The following ITPR1 variants were observed in gnomAD, a reference collection of about 807,000 sequenced individuals.
ITPR1 encodes the protein inositol 1,4,5-trisphosphate receptor type 1.
A neutral mutation model predicts 318.4 loss-of-function variants in ITPR1; 96 were observed. The observed-to-expected ratio is 0.30, with a 90% CI of 0.26 to 0.36. The LOEUF is 0.36. ITPR1 is among the 10% of genes least tolerant of loss of function. The pLI, the probability that ITPR1 is intolerant of heterozygous loss-of-function variation, is 1.00. For synonymous variants in ITPR1, 1,312 were observed against 1,289.9 expected, an observed-to-expected ratio of 1.02 and a Z score of -0.37; for missense variants, 2,440 against 3,460.2, an observed-to-expected ratio of 0.71 and a Z score of 7.40.
At chr3:4,655,507 T>C (rs1482357444) in intron 12 of ITPR1, among the ~76,000 whole-genome samples, 1 of 152,178 alleles carries the variant, frequency 6.6e-6, no homozygotes, top group Non-Finnish European at 1.5e-5. Context: ...TCTATACAAG[T>C]GGCATTTTTC....
Position 4,814,459 on chromosome 3 carries a change from A to G in ITPR1, c.7598A>G (p.Glu2533Gly), listed in dbSNP as rs2049152222. The change falls in exon 58 of 62, where the codon GAG (glutamate) becomes GGG (glycine). Residue 2533 changes from glutamate to glycine, a missense_variant. By Grantham distance (98) the Glu-to-Gly change is moderately conservative. Around this residue, in one of 23 missense-constraint regions of ITPR1, gnomAD observed 88 missense variants for 90.5 expected, o/e 0.97. Transcript: ENST00000649015. ...GCAGAAGAGACGGAACAGGATAAAG[A>G]GCACACATGTGAGACGCTGCTGATG... ...VPAEETEQDK[E>G]HTCETLLMCI... 6.2e-7 allele frequency: 1 copy of G among 1,613,844 alleles called. No homozygotes were observed. Among genetic ancestry groups the G allele is most frequent in the African/African-American group, 1.3e-5 (1 of 74,922 alleles).
At chr3:4,756,293 TG>T (rs959821606) in intron 44 of ITPR1, among the ~76,000 whole-genome samples, 4 of 152,056 alleles carry the variant, frequency 2.6e-5, no homozygotes, top group African/African-American at 9.7e-5. Context: ...GAAATTTGAA[TG>T]GCTTTTATAG....
At chr3:4,525,644 T>C (rs926884639) in intron 4 of ITPR1, among the ~76,000 whole-genome samples, 1 of 152,210 alleles carries the variant, frequency 6.6e-6, no homozygotes, top group African/African-American at 2.4e-5. Context: ...TTAGTTCTTT[T>C]ATTAATATGG....
intron 41 of ITPR1, among the ~76,000 whole-genome samples, chr3:4,725,891 T>C (rs1419711798): frequency 6.6e-6 from 1 of 152,210 alleles, no homozygotes; most frequent in Non-Finnish European, 1.5e-5. Flanking sequence ...TGTTAAGACC[T>C]TTCTGCTGTT....
intron 36 of ITPR1, 110 bp downstream of exon 36, chr3:4,703,060 A>G: frequency 8.1e-7 from 1 of 1,240,992 alleles, no homozygotes; most frequent in South Asian, 1.7e-5. Flanking sequence ...TTACACAGAC[A>G]GGAAGTTTCA....
rs771903022 is a variant in ITPR1, at chr3:4,818,285, T to C, written c.8028+43T>C. 3 of 1,503,334 alleles carry C rather than the reference T, an allele frequency of 2.0e-6. No homozygotes were observed. In the African/African-American group the frequency reaches 4.1e-5, roughly 21 times the overall value. 93.1% of individuals were successfully genotyped at this position (1,503,334 alleles called of 1,614,324 possible). A position where few individuals can be genotyped will look rare whatever the true frequency, so the allele number is the denominator to read the frequency against. The stretch of plus-strand genomic sequence containing the variant: ...CTGGGAGCAAGGTGGACTTGGGGCC[T>C]ACTCAGCTCTGAGCAAGGCCCCAGC... On this transcript the variant is annotated intron_variant, in intron 60 of 61. Transcript: ENST00000649015.
chr3:4,682,766 A>G (rs2094324438), intron 26 of ITPR1, among the ~76,000 whole-genome samples: 1 of 152,224 alleles, frequency 6.6e-6, no homozygotes, highest in Non-Finnish European at 1.5e-5. Flanking sequence ...CTTATTAGCC[A>G]GCAACCAGGA....
rs2125260126 is a variant in ITPR1 at position 4,699,732 on chromosome 3, AC to A, written c.4408-78del. The stretch of plus-strand genomic sequence containing the variant: ...CTTTACCTTTCATTTGTTAAAAGTA[AC>A]CCACAGGAGGGAGTCGCAGATTTCT... On this transcript the variant is annotated intron_variant, in intron 34 of 61. Coordinates refer to ENST00000649015, the MANE Select transcript of ITPR1 (RefSeq NM_001378452.1). 4.3e-6 allele frequency: 6 copies of A among 1,403,364 alleles called. No homozygotes were observed. The South Asian group carries it at 7.9e-5, about 19-fold the overall frequency. 86.9% of individuals were successfully genotyped at this position (1,403,364 alleles called of 1,614,324 possible).
At chr3:4,653,176 G>A (rs906258580) in intron 11 of ITPR1, among the ~76,000 whole-genome samples, 1 of 152,156 alleles carries the variant, frequency 6.6e-6, no homozygotes, top group Admixed American at 6.5e-5. Flanking sequence ...TGCATCAAAA[G>A]ACCCCCACTG....
chr3:4,699,322 AC>A (rs1292469855), intron 34 of ITPR1, among the ~76,000 whole-genome samples: 1 of 151,750 alleles, frequency 6.6e-6, no homozygotes, highest in East Asian at 1.9e-4. Flanking sequence ...ATGCCACAGC[AC>A]TCCATCCTGG....
intron 4 of ITPR1, among the ~76,000 whole-genome samples, chr3:4,575,022 A>G (rs1010795617): frequency 6.6e-5 from 10 of 152,368 alleles, no homozygotes; most frequent in African/African-American, 2.2e-4. Context: ...GTGCTTACAC[A>G]TGGGTGTACG....
At chr3:4,770,242 C>G (rs13066557) in intron 46 of ITPR1, among the ~76,000 whole-genome samples, 25,740 of 152,236 alleles carry the variant, frequency 0.17, 2,299 homozygotes, top group Middle Eastern at 0.21. Context: ...TGTGGCTAGA[C>G]AGTTGGTACT....
chr3:4,721,142 ATGTC>A (rs1229172834), intron 40 of ITPR1, among the ~76,000 whole-genome samples: 14 of 138,162 alleles, frequency 1.0e-4, no homozygotes, highest in Admixed American at 1.5e-4. Flanking sequence ...ATATTTATAT[ATGTC>A]TGTGTGTAGA....
chr3:4,637,416 G>A (rs1345533861), intron 5 of ITPR1, among the ~76,000 whole-genome samples: 1 of 152,216 alleles, frequency 6.6e-6, no homozygotes, highest in Non-Finnish European at 1.5e-5. Context: ...AAATTAGGGA[G>A]AACAAGAGGT....
chr3:4,669,752 C>T lies in ITPR1; in HGVS notation c.1985C>T (p.Ala662Val), dbSNP rs1453287160. The T allele has an allele frequency of 6.2e-7, 1 of 1,612,344 alleles. No individual in the cohort carries two copies. Among genetic ancestry groups the T allele is most frequent in the African/African-American group, 1.3e-5 (1 of 74,886 alleles). Residue 662 changes from alanine (A) to valine (V), a missense_variant, in exon 19 of 62, where the codon GCT becomes GTT. Coordinates refer to ENST00000649015, the MANE Select transcript of ITPR1 (RefSeq NM_001378452.1). ...ICKAVLNPTN[A>V]DILIETKLVL... ...AAAGCTGTGCTGAACCCCACCAACG[C>T]TGACATCCTGATTGAGACCAAGTGA...
chr3:4,639,194 C>G (rs978564051), intron 5 of ITPR1, among the ~76,000 whole-genome samples, 190 bp from the exon 6 acceptor site: 1 of 152,088 alleles, frequency 6.6e-6, no homozygotes, highest in African/African-American at 2.4e-5. Context: ...AAAAGGCCAG[C>G]CAAGCAAAGG....
At position 4,668,419 on chromosome 3, in the gene ITPR1, A is replaced by G. The variant is rs114215917; in HGVS notation, c.1886+870A>G. On this transcript the variant is annotated intron_variant, in intron 18 of 61. Coordinates refer to ENST00000649015, the MANE Select transcript of ITPR1 (RefSeq NM_001378452.1). The stretch of plus-strand genomic sequence containing the variant: ...TTCACTTAGCATTATGACCTCCTCC[A>G]GTTCCATCCATGTTGTTGCAAATGA... 9.0e-3 allele frequency among the ~76,000 whole-genome samples: 1,367 copies of G among 151,740 alleles called. 23 individuals carry two copies. Among genetic ancestry groups the G allele is most frequent in the African/African-American group, 0.031 (1,264 of 41,372 alleles).
chr3:4,779,765 G>T lies in ITPR1; in HGVS notation c.6387+120G>T. 1.6e-6 allele frequency: 1 copy of T among 626,704 alleles called. No homozygotes were observed. The highest frequency in any genetic ancestry group is 2.8e-6 in the Non-Finnish European group (1 of 352,620). The allele number at this position is 626,704 out of a possible 1,614,324, so 38.8% of individuals were successfully genotyped here. ...GGTTCCCAAAGTCAGAAGTATAAAG[G>T]GAACATTGAATTCAGGCCTCTGACT... On this transcript the variant is annotated intron_variant, in intron 49 of 61. Coordinates refer to ENST00000649015, the MANE Select transcript of ITPR1 (RefSeq NM_001378452.1). The surrounding 1 kb of genome is among the most constrained non-coding windows in gnomAD (Gnocchi z 4.0).
chr3:4,619,489 C>T (rs1575748499), intron 4 of ITPR1, among the ~76,000 whole-genome samples: 1 of 150,148 alleles, frequency 6.7e-6, no homozygotes, highest in African/African-American at 2.5e-5. Flanking sequence ...CTCCTCACTC[C>T]TCCCTCTCTC....
Sources: allele counts gnomAD v4.1 joint callset (sites outside exome capture counted in the v4.1 genomes callset), GRCh38; gene constraint gnomAD v4.1.1; regional missense constraint gnomAD v4.1.1; non-coding constraint Gnocchi (gnomAD v3.1); transcripts MANE v1.5; gene names NCBI Gene and HGNC (gene_info 2026-07-23, HGNC 2026-07-21).